EPB41L3: variants seen among roughly 807,000 people sequenced by gnomAD.
EPB41L3 encodes the protein band 4.1-like protein 3.
A neutral mutation model predicts 127.1 loss-of-function variants in EPB41L3; 57 were observed. The ratio of observed to expected loss-of-function variants is 0.45; its 90% CI spans 0.36 to 0.56. The LOEUF (loss-of-function observed/expected upper bound fraction) is 0.56, where lower values mean the gene tolerates loss of function less well. Among genes scored for constraint, EPB41L3 ranks in the 20% least tolerant of loss-of-function variants. The probability of loss-of-function intolerance (pLI) is 0.00; values close to 1 mark genes in which losing one functional copy is unlikely to be tolerated. For synonymous variants in EPB41L3, 572 were observed against 549.5 expected (o/e 1.04, Z -0.57); for missense variants, 1,273 against 1,372.2 (o/e 0.93, Z 1.14).
chr18:5,628,911 G>C (rs954102603), intron 1 of EPB41L3: 1 of 152,362 alleles, frequency 6.6e-6, no homozygotes, highest in African/African-American at 2.4e-5. Flanking sequence ...GCACCAGCCA[G>C]GCCACCCCAC....
intron 3 of EPB41L3, among the ~76,000 whole-genome samples, chr18:5,564,342 T>G (rs1466979450): frequency 1.3e-5 from 2 of 152,228 alleles, no homozygotes; most frequent in African/African-American, 4.8e-5. Flanking sequence ...ATAACTCTAT[T>G]ATCTCTGCCA....
Position 5,420,833 on chromosome 18 carries a change from G to A in EPB41L3, c.1340-956C>T, listed in dbSNP as rs533625735. 2.1e-4 allele frequency among the ~76,000 whole-genome samples: 32 copies of A among 152,222 alleles called. No homozygotes were observed. The South Asian group carries it at 2.9e-3, about 14-fold the overall frequency. ...CAAAATATCTACATTATTATTTTAG[G>A]AATTTAAAAACGTAAATAAAAGAAA... On this transcript the variant is annotated intron_variant, in intron 11 of 22. Transcript: ENST00000341928.
At chr18:5,596,897 C>G (rs1475424297) in intron 3 of EPB41L3, among the ~76,000 whole-genome samples, 2 of 151,958 alleles carry the variant, frequency 1.3e-5, no homozygotes, top group African/African-American at 4.8e-5. Flanking sequence ...AGTTTATTTT[C>G]CAGCATTTTG....
intron 3 of EPB41L3, among the ~76,000 whole-genome samples, chr18:5,588,076 C>T (rs934688244): frequency 6.6e-6 from 1 of 152,128 alleles, no homozygotes; most frequent in Non-Finnish European, 1.5e-5. Context: ...TAAGGTACTA[C>T]CTCATACCTA....
chr18:5,438,352 T>C (rs2080177157), intron 5 of EPB41L3, among the ~76,000 whole-genome samples: 1 of 152,196 alleles, frequency 6.6e-6, no homozygotes, highest in Admixed American at 6.5e-5. Context: ...CTGATCAAAC[T>C]TCCTACCCTT....
intron 1 of EPB41L3, among the ~76,000 whole-genome samples, chr18:5,506,398 G>A (rs746636450): frequency 2.8e-4 from 42 of 151,860 alleles, no homozygotes; most frequent in Non-Finnish European, 4.7e-4. Flanking sequence ...CCTCCCACCC[G>A]AGGCCTCTAC....
At chr18:5,401,492 G>C (rs191685846) in intron 16 of EPB41L3, among the ~76,000 whole-genome samples, 1 of 152,036 alleles carries the variant, frequency 6.6e-6, no homozygotes, top group Non-Finnish European at 1.5e-5. Context: ...CCCCATTTAG[G>C]TGCTGCCTGT....
At chr18:5,588,563 A>T (rs1196538693) in intron 3 of EPB41L3, among the ~76,000 whole-genome samples, 1 of 151,878 alleles carries the variant, frequency 6.6e-6, no homozygotes, top group Non-Finnish European at 1.5e-5. Flanking sequence ...ATAAATCTTG[A>T]GAGGAAAAGT....
At chr18:5,591,620 G>T (rs547162888) in intron 3 of EPB41L3, among the ~76,000 whole-genome samples, 1 of 152,164 alleles carries the variant, frequency 6.6e-6, no homozygotes, top group Non-Finnish European at 1.5e-5. Flanking sequence ...TTTCTTGGAG[G>T]AAGAAAAGTG....
At chr18:5,558,850 C>T (rs779759136) in intron 3 of EPB41L3, among the ~76,000 whole-genome samples, 1 of 152,188 alleles carries the variant, frequency 6.6e-6, no homozygotes, top group African/African-American at 2.4e-5. Context: ...ATTCTCTAGA[C>T]GAGGACATAA....
intron 3 of EPB41L3, among the ~76,000 whole-genome samples, chr18:5,604,474 GAC>G (rs1441652248): frequency 6.6e-6 from 1 of 151,024 alleles, no homozygotes; most frequent in Non-Finnish European, 1.5e-5. Context: ...TCTTTTTTTT[GAC>G]AGAGTCTTGC....
intron 16 of EPB41L3, chr18:5,400,763 G>A: frequency 5.3e-6 from 3 of 570,780 alleles, no homozygotes; most frequent in Admixed American, 3.0e-5. Flanking sequence ...TGGATTAGAA[G>A]CCATGAAGAA....
intron 3 of EPB41L3, among the ~76,000 whole-genome samples, chr18:5,583,145 A>G (rs933901945): frequency 2.0e-5 from 3 of 152,214 alleles, no homozygotes; most frequent in Non-Finnish European, 4.4e-5. Flanking sequence ...TTTAACTGTC[A>G]GGTAGGGTGG....
chr18:5,571,809 G>A (rs970087413), intron 3 of EPB41L3, among the ~76,000 whole-genome samples: 11 of 150,836 alleles, frequency 7.3e-5, no homozygotes, highest in African/African-American at 2.7e-4. Context: ...TGGCAACACT[G>A]CACTCCAAGT....
intron 1 of EPB41L3, among the ~76,000 whole-genome samples, chr18:5,627,099 G>C (rs2094930873): frequency 6.6e-6 from 1 of 152,130 alleles, no homozygotes; most frequent in Admixed American, 6.5e-5. Flanking sequence ...CAGTGCTCCA[G>C]GAGAACTTTT....
At chr18:5,519,369 A>C (rs1422434314) in intron 1 of EPB41L3, among the ~76,000 whole-genome samples, 1 of 152,020 alleles carries the variant, frequency 6.6e-6, no homozygotes, top group Non-Finnish European at 1.5e-5. Context: ...CACATCTTGG[A>C]CCTCAGTTAC....
chr18:5,610,419 A>T (rs1050173687), intron 3 of EPB41L3: 1 of 438,950 alleles, frequency 2.3e-6, no homozygotes, highest in South Asian at 9.5e-5. Context: ...AGACATCCAA[A>T]GTGATCTCTC....
chr18:5,427,776 C>T (rs898956507), intron 9 of EPB41L3, among the ~76,000 whole-genome samples: 32 of 151,734 alleles, frequency 2.1e-4, no homozygotes, highest in Admixed American at 5.9e-4. Context: ...GACGGAGTCT[C>T]GCTCTGTTGC....
intron 3 of EPB41L3, among the ~76,000 whole-genome samples, chr18:5,457,680 G>A (rs1172812321): frequency 6.6e-6 from 1 of 152,076 alleles, no homozygotes; most frequent in East Asian, 1.9e-4. Context: ...CCCTGCAGGG[G>A]CCTCCCAGGC....
Sources: gnomAD v4.1 joint callset for allele counts (sites outside exome capture counted in the v4.1 genomes callset) on GRCh38, gnomAD v4.1.1 for gene constraint, MANE v1.5 for transcripts, NCBI Gene and HGNC (gene_info 2026-07-23, HGNC 2026-07-21) for gene names.